SPOCK1: variants seen among roughly 807,000 people sequenced by gnomAD.
SPOCK1 encodes testican-1.
Under a neutral mutation model 55.3 loss-of-function variants are expected in SPOCK1, and 23 were observed. The ratio of observed to expected loss-of-function variants is 0.42; its 90% CI spans 0.30 to 0.59. The LOEUF is 0.59. SPOCK1 is among the 20% of genes least tolerant of loss of function. The pLI is 0.22. For missense variants in SPOCK1, 499 were observed against 552.5 expected (o/e 0.90, Z 0.97); for synonymous variants, 226 against 221.0 (o/e 1.02, Z -0.20).
At chr5:137,008,225 A>G (rs1751287600) in intron 6 of SPOCK1, among the ~76,000 whole-genome samples, 1 of 151,884 alleles carries the variant, frequency 6.6e-6, no homozygotes, top group South Asian at 2.1e-4. Flanking sequence ...CCACCATGGC[A>G]CATGTATACC....
At chr5:137,419,957 C>T (rs7707983) in intron 2 of SPOCK1, among the ~76,000 whole-genome samples, 12,222 of 148,346 alleles carry the variant, frequency 0.082, 1,246 homozygotes, top group African/African-American at 0.25. Flanking sequence ...ATAGCTCTTA[C>T]TGAGATACGT....
chr5:137,204,083 G>C (rs1473425596), intron 3 of SPOCK1, among the ~76,000 whole-genome samples: 1 of 152,108 alleles, frequency 6.6e-6, no homozygotes, highest in African/African-American at 2.4e-5. Context: ...CCTTGGGCTG[G>C]TTATCCAACC....
intron 2 of SPOCK1, among the ~76,000 whole-genome samples, chr5:137,333,273 T>C (rs941355748): frequency 1.3e-5 from 2 of 152,148 alleles, no homozygotes; most frequent in African/African-American, 4.8e-5. Context: ...AGGTCTGGAT[T>C]CTATAGGTAA....
At chr5:137,408,185 T>C (rs1435416541) in intron 2 of SPOCK1, among the ~76,000 whole-genome samples, 1 of 152,244 alleles carries the variant, frequency 6.6e-6, no homozygotes, top group Non-Finnish European at 1.5e-5. Context: ...ACAAGGCCCA[T>C]GAGAACAAAG....
intron 2 of SPOCK1, among the ~76,000 whole-genome samples, chr5:137,462,459 C>G (rs574788505): frequency 6.6e-6 from 1 of 152,334 alleles, no homozygotes; most frequent in African/African-American, 2.4e-5. Flanking sequence ...GCCACAGACA[C>G]TGGGCAGCTG....
chr5:137,347,767 C>A (rs1184041402), intron 2 of SPOCK1, among the ~76,000 whole-genome samples: 2 of 152,102 alleles, frequency 1.3e-5, no homozygotes, highest in Non-Finnish European at 2.9e-5. Flanking sequence ...AAAAACCAGT[C>A]TCTTGCTTCG....
intron 6 of SPOCK1, among the ~76,000 whole-genome samples, chr5:137,060,717 C>T (rs1484817101): frequency 6.6e-6 from 1 of 152,140 alleles, no homozygotes; most frequent in Non-Finnish European, 1.5e-5. Context: ...AACCTCTATC[C>T]CGTTCACTGA....
At chr5:136,984,012 A>G (rs1224387683) in intron 9 of SPOCK1, among the ~76,000 whole-genome samples, 1 of 152,216 alleles carries the variant, frequency 6.6e-6, no homozygotes, top group Non-Finnish European at 1.5e-5. Flanking sequence ...GTCACTCAAA[A>G]TAATATCCCA....
intron 7 of SPOCK1, among the ~76,000 whole-genome samples, chr5:136,989,914 C>T (rs368304114): frequency 6.6e-6 from 1 of 151,772 alleles, no homozygotes; most frequent in African/African-American, 2.4e-5. Flanking sequence ...CAAAATGTAC[C>T]CACTCTTTTT....
chr5:137,156,335 A>C (rs1175383155), intron 3 of SPOCK1, among the ~76,000 whole-genome samples: 1 of 152,116 alleles, frequency 6.6e-6, no homozygotes, highest in Non-Finnish European at 1.5e-5. Flanking sequence ...TTAAATTCCA[A>C]AAACTCTTCA....
At chr5:137,049,045 C>G (rs1752153142) in intron 6 of SPOCK1, among the ~76,000 whole-genome samples, 2 of 139,924 alleles carry the variant, frequency 1.4e-5, no homozygotes, top group African/African-American at 5.4e-5. Flanking sequence ...TGAGGGTAAC[C>G]CGACCTTTCT....
At chr5:137,007,776 A>G (rs1751278233) in intron 6 of SPOCK1, among the ~76,000 whole-genome samples, 1 of 152,214 alleles carries the variant, frequency 6.6e-6, no homozygotes, top group South Asian at 2.1e-4. Context: ...TGACCCAGCA[A>G]TCTCATTACT....
At chr5:137,224,495 T>C (rs1755912465) in intron 3 of SPOCK1, among the ~76,000 whole-genome samples, 1 of 151,954 alleles carries the variant, frequency 6.6e-6, no homozygotes. Flanking sequence ...AGGAAACGGG[T>C]GTAAAATCAA....
At chr5:137,238,746 C>A (rs1756230158) in intron 3 of SPOCK1, among the ~76,000 whole-genome samples, 1 of 152,154 alleles carries the variant, frequency 6.6e-6, no homozygotes, top group African/African-American at 2.4e-5. Context: ...ATATATACTT[C>A]CTTAACACGA....
intron 3 of SPOCK1, among the ~76,000 whole-genome samples, chr5:137,176,886 T>C (rs1754863911): frequency 6.6e-6 from 1 of 152,108 alleles, no homozygotes; most frequent in South Asian, 2.1e-4. Flanking sequence ...GCATTTGTGG[T>C]GGTGGAGGTC....
chr5:137,130,800 T>C (rs1753860177), intron 4 of SPOCK1, among the ~76,000 whole-genome samples: 1 of 152,232 alleles, frequency 6.6e-6, no homozygotes, highest in South Asian at 2.1e-4. Context: ...GGAGAACTTC[T>C]CATTACTTGC....
intron 6 of SPOCK1, among the ~76,000 whole-genome samples, chr5:137,041,340 T>C (rs2126991823): frequency 6.6e-6 from 1 of 152,266 alleles, no homozygotes; most frequent in Middle Eastern, 3.4e-3. Flanking sequence ...AAATGGATGA[T>C]AGGTCTAACT....
At chr5:137,116,859 A>G (rs554137570) in intron 4 of SPOCK1, among the ~76,000 whole-genome samples, 4 of 151,964 alleles carry the variant, frequency 2.6e-5, no homozygotes, top group Non-Finnish European at 5.9e-5. Flanking sequence ...ATGTGCCATC[A>G]TGTGGGTTTT....
chr5:137,472,123 G>A lies in SPOCK1; in HGVS notation c.186+26250C>T, dbSNP rs142596342. Among the ~76,000 whole-genome samples, 518 of 152,290 alleles carry A rather than the reference G, an allele frequency of 3.4e-3. 1 individual carries two copies. The highest frequency in any genetic ancestry group is 6.2e-3 in the Non-Finnish European group (425 of 68,018). On this transcript the variant is annotated intron_variant, in intron 2 of 10. Coordinates refer to ENST00000394945, the MANE Select transcript of SPOCK1 (RefSeq NM_004598.4). ...GACTCACTGCCACGAATTCTTGGGA[G>A]GACATGCCCGGGGCCCTGGCCCAGT...
Sources: gnomAD v4.1 joint callset for allele counts (sites outside exome capture counted in the v4.1 genomes callset) on GRCh38, gnomAD v4.1.1 for gene constraint, MANE v1.5 for transcripts, NCBI Gene and HGNC (gene_info 2026-07-23, HGNC 2026-07-21) for gene names.